Variants in DPP6 observed in about 807,000 individuals in gnomAD.
DPP6 encodes the protein A-type potassium channel modulatory protein DPP6.
A neutral mutation model predicts 122.6 loss-of-function variants in DPP6; 69 were observed. The observed-to-expected ratio is 0.56, with a 90% CI of 0.46 to 0.69. The LOEUF is 0.69. Among genes scored for constraint, DPP6 ranks in the 30% least tolerant of loss-of-function variants. The probability of loss-of-function intolerance (pLI) is 0.00; values close to 1 mark genes in which losing one functional copy is unlikely to be tolerated. For synonymous variants in DPP6, 418 were observed against 433.1 expected (o/e 0.97, Z 0.43); for missense variants, 928 against 1,116.9 (o/e 0.83, Z 2.41).
At chr7:154,216,831 T>C (rs1205181838) in intron 1 of DPP6, among the ~76,000 whole-genome samples, 1 of 61,778 alleles carries the variant, frequency 1.6e-5, no homozygotes, top group East Asian at 3.6e-4. Flanking sequence ...TGTGTTACTG[T>C]TGTTTTTTTT....
chr7:154,757,479 T>C (rs1376446301), intron 8 of DPP6, among the ~76,000 whole-genome samples: 2 of 152,248 alleles, frequency 1.3e-5, no homozygotes, highest in Non-Finnish European at 2.9e-5. Context: ...TCAATAGTCA[T>C]TGATTTCTCT....
intron 1 of DPP6, among the ~76,000 whole-genome samples, chr7:154,408,190 G>T (rs1816280435): frequency 6.6e-6 from 1 of 152,078 alleles, no homozygotes; most frequent in African/African-American, 2.4e-5. Context: ...AATGAAATAT[G>T]AATTAGGAAA....
chr7:154,450,656 C>A (rs1335533439), intron 2 of DPP6, among the ~76,000 whole-genome samples: 1 of 152,176 alleles, frequency 6.6e-6, no homozygotes, highest in African/African-American at 2.4e-5. Context: ...GGATTCAATC[C>A]AGTGCTTCAA....
At chr7:153,838,230 A>G in the DPP6 span, among the ~76,000 whole-genome samples, 126,036 of 152,038 alleles carry the variant, frequency 0.83, 52,341 homozygotes, top group East Asian at 0.9. Flanking sequence ...TCCACACTCC[A>G]AGCAGCAGTT....
intron 10 of DPP6, among the ~76,000 whole-genome samples, chr7:154,776,401 T>G (rs996530001): frequency 1.3e-5 from 2 of 152,152 alleles, no homozygotes; most frequent in African/African-American, 4.8e-5. Context: ...CCTGATCAAA[T>G]ATATGGTTCC....
intron 1 of DPP6, among the ~76,000 whole-genome samples, chr7:154,394,484 C>T (rs564817529): frequency 2.2e-5 from 1 of 45,008 alleles, no homozygotes; most frequent in Non-Finnish European, 4.7e-5. Flanking sequence ...TTTGTTAATT[C>T]CTTATTACAT....
chr7:154,362,398 T>C (rs1811806506), intron 1 of DPP6, among the ~76,000 whole-genome samples: 1 of 152,116 alleles, frequency 6.6e-6, no homozygotes, highest in African/African-American at 2.4e-5. Context: ...ACTGCCTCCC[T>C]AGCAATAGAG....
At chr7:154,151,281 C>T (rs1796405957) in intron 1 of DPP6, among the ~76,000 whole-genome samples, 1 of 152,170 alleles carries the variant, frequency 6.6e-6, no homozygotes, top group African/African-American at 2.4e-5. Flanking sequence ...CACCTCCTCC[C>T]TAGACCTTCT....
chr7:154,160,911 A>T (rs1237766789), intron 1 of DPP6, among the ~76,000 whole-genome samples: 1 of 152,106 alleles, frequency 6.6e-6, no homozygotes, highest in Non-Finnish European at 1.5e-5. Context: ...AACCGCCGAC[A>T]GCAAGAAGTT....
chr7:154,755,819 G>T lies in DPP6; in HGVS notation c.884-13598G>T, dbSNP rs1400789305. 6.6e-6 allele frequency among the ~76,000 whole-genome samples: 1 copy of T among 152,212 alleles called. No individual in the cohort carries two copies. Among genetic ancestry groups the T allele is most frequent in the Non-Finnish European group, 1.5e-5 (1 of 68,046 alleles). On this transcript the variant is annotated intron_variant, in intron 8 of 25. Coordinates refer to ENST00000377770, the MANE Select transcript of DPP6 (RefSeq NM_130797.4). The surrounding 1 kb of genome is among the most constrained non-coding windows in gnomAD (Gnocchi z 4.7). Reference sequence around the variant, plus strand: ...GTTGGAAGAGGTCGGAGTGGGGCGCGTCCCAGGTCGGGAATGTTAGGACAA... The same window carrying T: ...GTTGGAAGAGGTCGGAGTGGGGCGCTTCCCAGGTCGGGAATGTTAGGACAA...
chr7:153,753,165 A>AT, the DPP6 span, among the ~76,000 whole-genome samples: 1 of 148,542 alleles, frequency 6.7e-6, no homozygotes, highest in African/African-American at 2.5e-5. Context: ...CTTATCTTTG[A>AT]TTTTCCATGT....
chr7:154,186,481 A>G (rs1798360582), intron 1 of DPP6, among the ~76,000 whole-genome samples: 1 of 152,250 alleles, frequency 6.6e-6, no homozygotes, highest in Non-Finnish European at 1.5e-5. Context: ...ACACTCCCTC[A>G]GTTGTATTTG....
chr7:154,246,945 C>G (rs143380593), intron 1 of DPP6, among the ~76,000 whole-genome samples: 4 of 152,148 alleles, frequency 2.6e-5, no homozygotes, highest in Admixed American at 2.6e-4. Context: ...CGAAAAAGTT[C>G]CTACCATAAA....
intron 1 of DPP6, among the ~76,000 whole-genome samples, chr7:154,318,770 G>T (rs1442468693): frequency 2.0e-5 from 3 of 152,146 alleles, no homozygotes; most frequent in Non-Finnish European, 4.4e-5. Context: ...AATAGCATTT[G>T]TGTTCCCACC....
At chr7:154,021,246 G>A (rs551684660) in intron 1 of DPP6, among the ~76,000 whole-genome samples, 40 of 152,256 alleles carry the variant, frequency 2.6e-4, no homozygotes, top group East Asian at 1.2e-3. Context: ...CACAACAGCC[G>A]TGCGAGACTG....
chr7:154,660,281 CGCAGTCATGGTGAATCACCAT>C (rs1837548428), intron 6 of DPP6, among the ~76,000 whole-genome samples: 1 of 10,414 alleles, frequency 9.6e-5, no homozygotes, highest in Non-Finnish European at 5.1e-4. Context: ...GTAGTGTTCA[CGCAGTCATGGTGAATCACCAT>C]GGCGTATTGG....
At chr7:154,678,273 G>C (rs1839051020) in intron 7 of DPP6, among the ~76,000 whole-genome samples, 1 of 152,202 alleles carries the variant, frequency 6.6e-6, no homozygotes, top group Admixed American at 6.5e-5. Flanking sequence ...CTTCCACGTG[G>C]AAGCTGTGTT....
In DPP6 at chr7:154,794,138, T is replaced by C. The variant is rs1797859886; in HGVS notation, c.1196T>C (p.Leu399Pro). The stretch of plus-strand genomic sequence containing the variant: ...AGCACCAAGGTCGCCGTGACCTGGC[T>C]GAACCGGGCGCAGAACGTGTCCATC... Reference protein sequence around the residue: ...ATSTKVAVTWLNRAQNVSILT... With the variant: ...ATSTKVAVTWPNRAQNVSILT... Residue 399 changes from leucine (L) to proline (P), a missense_variant, in exon 11 of 26, where the codon CTG becomes CCG. Transcript: ENST00000377770. The C allele has an allele frequency of 6.2e-7, 1 of 1,613,372 alleles. No homozygotes were observed. Among genetic ancestry groups the C allele is most frequent in the African/African-American group, 1.3e-5 (1 of 74,894 alleles).
At chr7:154,666,647 C>A (rs528707000) in intron 6 of DPP6, among the ~76,000 whole-genome samples, 3 of 152,242 alleles carry the variant, frequency 2.0e-5, no homozygotes, top group South Asian at 4.1e-4. Context: ...TCAGCACCCC[C>A]CCAATCCCTC....
Sources: allele counts gnomAD v4.1 joint callset (sites outside exome capture counted in the v4.1 genomes callset), GRCh38; gene constraint gnomAD v4.1.1; non-coding constraint Gnocchi (gnomAD v3.1); transcripts MANE v1.5; gene names NCBI Gene and HGNC (gene_info 2026-07-23, HGNC 2026-07-21).